The following PLCB4 variants were observed in gnomAD, a reference collection of about 807,000 sequenced individuals.
PLCB4 encodes the protein phospholipase C beta 4, also known as 1-phosphatidylinositol 4,5-bisphosphate phosphodiesterase beta-4.
In PLCB4, 77 loss-of-function variants were observed where a neutral mutation model predicts 178.8. That is an observed-to-expected ratio of 0.43 (90% CI 0.36 to 0.52). The LOEUF is 0.52. Among genes scored for constraint, PLCB4 ranks in the 20% least tolerant of loss-of-function variants. The pLI, the probability that PLCB4 is intolerant of heterozygous loss-of-function variation, is 0.00. For missense variants in PLCB4, 1,024 were observed against 1,453.4 expected (o/e 0.70, Z 4.80); for synonymous variants, 496 against 490.8 (o/e 1.01, Z -0.14).
intron 20 of PLCB4, among the ~76,000 whole-genome samples, chr20:9,403,877 C>T (rs988418117): frequency 5.3e-5 from 8 of 152,210 alleles, no homozygotes; most frequent in Admixed American, 1.3e-4. Flanking sequence ...AGTAAGAAGA[C>T]TCAAGAGTGT....
chr20:9,080,522 A>T (rs1363174479), intron 1 of PLCB4, among the ~76,000 whole-genome samples: 3 of 152,116 alleles, frequency 2.0e-5, no homozygotes, highest in African/African-American at 4.8e-5. Context: ...ACCCTTATAT[A>T]TTCCTGAAGT....
chr20:9,133,651 T>C (rs1165202921), intron 2 of PLCB4, among the ~76,000 whole-genome samples: 1 of 152,124 alleles, frequency 6.6e-6, no homozygotes, highest in Non-Finnish European at 1.5e-5. Context: ...TAGGAAGTAT[T>C]TGATGGAAAG....
intron 1 of PLCB4, 74 bp downstream of exon 1, chr20:9,069,280 C>T (rs1039980858): frequency 2.0e-5 from 3 of 152,428 alleles, no homozygotes; most frequent in Non-Finnish European, 4.4e-5. Flanking sequence ...GTTTGCTTTC[C>T]GCGGGTGCGT....
chr20:9,145,877 G>A (rs1015450890), intron 2 of PLCB4, among the ~76,000 whole-genome samples: 2 of 152,080 alleles, frequency 1.3e-5, no homozygotes, highest in Non-Finnish European at 2.9e-5. Flanking sequence ...AAGCTTCCAG[G>A]AAGCAGTACT....
chr20:9,152,742 A>G (rs117772290), intron 2 of PLCB4, among the ~76,000 whole-genome samples: 3,138 of 152,278 alleles, frequency 0.021, 38 homozygotes, highest in South Asian at 0.031. Context: ...AGTTGTGGGA[A>G]GAAGGCCACT....
intron 3 of PLCB4, among the ~76,000 whole-genome samples, chr20:9,296,789 A>G (rs950927472): frequency 1.3e-5 from 2 of 152,056 alleles, no homozygotes; most frequent in East Asian, 1.9e-4. Flanking sequence ...GTTCTCACTT[A>G]TAGGTGGGAA....
At chr20:9,380,222 C>T (rs1363938327) in intron 13 of PLCB4, 60 bp downstream of exon 13, 6 of 849,986 alleles carry the variant, frequency 7.1e-6, no homozygotes, top group Non-Finnish European at 1.1e-5. Context: ...ACTTTTAAAG[C>T]CTTGGTTTAT....
intron 7 of PLCB4, among the ~76,000 whole-genome samples, chr20:9,362,081 T>C (rs76626604): frequency 2.0e-5 from 3 of 152,296 alleles, no homozygotes; most frequent in Admixed American, 2.0e-4. Context: ...GGAATCAGCT[T>C]ATGTGTGGGC....
At chr20:9,460,220 G>T (rs1416192982) in intron 35 of PLCB4, among the ~76,000 whole-genome samples, 1 of 152,198 alleles carries the variant, frequency 6.6e-6, no homozygotes, top group African/African-American at 2.4e-5. Flanking sequence ...AAATGTCATG[G>T]GCACTAAAGG....
intron 7 of PLCB4, among the ~76,000 whole-genome samples, chr20:9,340,085 G>A (rs186867045): frequency 1.3e-5 from 2 of 152,094 alleles, no homozygotes; most frequent in African/African-American, 4.8e-5. Flanking sequence ...ACTCAGTGTA[G>A]GTTGAATGAG....
At chr20:9,379,773 T>C (rs918126845) in intron 12 of PLCB4, among the ~76,000 whole-genome samples, 1 of 152,180 alleles carries the variant, frequency 6.6e-6, no homozygotes, top group African/African-American at 2.4e-5. Flanking sequence ...ACAGTACAAT[T>C]GACATGCACA....
At chr20:9,159,804 T>C (rs1162404171) in intron 2 of PLCB4, among the ~76,000 whole-genome samples, 1 of 152,200 alleles carries the variant, frequency 6.6e-6, no homozygotes, top group Non-Finnish European at 1.5e-5. Context: ...TTTGAAATAT[T>C]ATATTTAAAT....
At chr20:9,478,532 C>T (rs1387160346) in intron 39 of PLCB4, among the ~76,000 whole-genome samples, 1 of 152,158 alleles carries the variant, frequency 6.6e-6, no homozygotes, top group Non-Finnish European at 1.5e-5. Context: ...ATTATCTACA[C>T]ACAGTCAAAG....
At chr20:9,104,805 A>G (rs148426285) in intron 2 of PLCB4, among the ~76,000 whole-genome samples, 11 of 152,158 alleles carry the variant, frequency 7.2e-5, no homozygotes, top group Admixed American at 6.5e-4. Flanking sequence ...TACCACTCAC[A>G]TGAAGACTTC....
intron 7 of PLCB4, among the ~76,000 whole-genome samples, chr20:9,358,213 A>G (rs1822134065): frequency 6.6e-6 from 1 of 152,216 alleles, no homozygotes; most frequent in Non-Finnish European, 1.5e-5. Flanking sequence ...TTGCATTTTA[A>G]CAAGTTCCCA....
At chr20:9,197,981 T>TA (rs1404156591) in intron 2 of PLCB4, among the ~76,000 whole-genome samples, 1 of 148,932 alleles carries the variant, frequency 6.7e-6, no homozygotes, top group African/African-American at 2.5e-5. Context: ...ATCTCAAAAA[T>TA]AAAAAAATAA....
At chr20:9,410,670 C>G (rs2148511666) in intron 24 of PLCB4, among the ~76,000 whole-genome samples, 1 of 152,280 alleles carries the variant, frequency 6.6e-6, no homozygotes, top group Admixed American at 6.5e-5. Context: ...TATTCACCCT[C>G]CCGGGTATCT....
At chr20:9,222,742 T>A (rs894368298) in intron 3 of PLCB4, among the ~76,000 whole-genome samples, 1 of 152,226 alleles carries the variant, frequency 6.6e-6, no homozygotes, top group African/African-American at 2.4e-5. Context: ...CATATTTCAG[T>A]GCTCAAAAGC....
intron 4 of PLCB4, among the ~76,000 whole-genome samples, chr20:9,322,628 G>A (rs2094974414): frequency 6.6e-6 from 1 of 152,194 alleles, no homozygotes; most frequent in Non-Finnish European, 1.5e-5. Flanking sequence ...CTTCTCCCAA[G>A]TACCTGAAAG....
Sources: allele counts gnomAD v4.1 joint callset (sites outside exome capture counted in the v4.1 genomes callset), GRCh38; gene constraint gnomAD v4.1.1; transcripts MANE v1.5; gene names NCBI Gene and HGNC (gene_info 2026-07-23, HGNC 2026-07-21).